The following ATP6V0A4 variants were observed in gnomAD, a reference collection of about 807,000 sequenced individuals.
The protein encoded by ATP6V0A4 is V-type proton ATPase 116 kDa subunit a 4.
Under a neutral mutation model 107.3 loss-of-function variants are expected in ATP6V0A4, and 86 were observed. The ratio of observed to expected loss-of-function variants is 0.80; its 90% confidence interval spans 0.67 to 0.96. The LOEUF (loss-of-function observed/expected upper bound fraction) is 0.96, where lower values mean the gene tolerates loss of function less well. Ranked by LOEUF, ATP6V0A4 falls within the 40% of genes least tolerant of loss-of-function variation. The probability of loss-of-function intolerance (pLI) is 0.00; values close to 1 mark genes in which losing one functional copy is unlikely to be tolerated. For synonymous variants in ATP6V0A4, 353 were observed against 381.4 expected (o/e 0.93, Z 0.87); for missense variants, 908 against 1,045.6 (o/e 0.87, Z 1.81).
intron 2 of ATP6V0A4, among the ~76,000 whole-genome samples, chr7:138,777,097 C>T (rs565686039): frequency 1.3e-5 from 2 of 150,842 alleles, no homozygotes; most frequent in African/African-American, 2.4e-5. Context: ...TGCAGTGAGC[C>T]GAGATCGCAC....
intron 18 of ATP6V0A4, among the ~76,000 whole-genome samples, chr7:138,723,977 C>T (rs541588839): frequency 6.7e-6 from 1 of 150,126 alleles, no homozygotes; most frequent in African/African-American, 2.5e-5. Flanking sequence ...CATGTTTGAG[C>T]CTAGGAGTTC....
chr7:138,707,243 A>C (rs1319854088), intron 21 of ATP6V0A4, among the ~76,000 whole-genome samples: 1 of 89,536 alleles, frequency 1.1e-5, no homozygotes, highest in Non-Finnish European at 2.0e-5. Flanking sequence ...AATATATATT[A>C]TATTATATAG....
intron 19 of ATP6V0A4, among the ~76,000 whole-genome samples, chr7:138,721,287 C>T (rs540111699): frequency 3.6e-4 from 55 of 152,136 alleles, no homozygotes; most frequent in Admixed American, 1.0e-3. Flanking sequence ...GCCTGTAATC[C>T]CAGCACTTTG....
intron 11 of ATP6V0A4, among the ~76,000 whole-genome samples, chr7:138,750,188 C>T (rs776892572): frequency 4.6e-5 from 7 of 152,164 alleles, no homozygotes; most frequent in Non-Finnish European, 8.8e-5. Flanking sequence ...CCCTTCCCCA[C>T]GCTTCCCCAT....
intron 19 of ATP6V0A4, among the ~76,000 whole-genome samples, chr7:138,717,470 G>A (rs1016329243): frequency 5.3e-5 from 8 of 152,150 alleles, no homozygotes; most frequent in East Asian, 3.9e-4. Context: ...GCTTGAACCT[G>A]TGAGGTGGAG....
chr7:138,745,225 G>A lies in ATP6V0A4; in HGVS notation c.1376C>T (p.Ser459Phe). The A allele has an allele frequency of 6.2e-7, 1 of 1,606,688 alleles. No homozygotes were observed. The highest frequency in any genetic ancestry group is 8.5e-7 in the Non-Finnish European group (1 of 1,177,042). Residue 459 changes from serine to phenylalanine, a missense_variant, in exon 14 of 22, where the codon TCC becomes TTC. Coordinates refer to ENST00000310018, the MANE Select transcript of ATP6V0A4 (RefSeq NM_020632.3). ...ATTGTAGATCAAACCCGTGTAGATG[G>A]AGAAGATGCCCATAAGTAGGATCAG... is the stretch of plus-strand genomic sequence containing the variant. ...RYLILLMGIF[S>F]IYTGLIYNDC...
chr7:138,708,240 G>C (rs1192324296), intron 21 of ATP6V0A4, among the ~76,000 whole-genome samples: 1 of 151,872 alleles, frequency 6.6e-6, no homozygotes, highest in African/African-American at 2.4e-5. Context: ...AGTAGAGACG[G>C]GGTTTCTCCA....
chr7:138,734,120 G>A lies in ATP6V0A4; in HGVS notation c.1691+16C>T, dbSNP rs761550045. The A allele has an allele frequency of 5.6e-6, 9 of 1,599,270 alleles. No homozygotes were observed. The highest frequency in any genetic ancestry group is 6.9e-6 in the Non-Finnish European group (8 of 1,166,994). ...TGATCAGACAGAGCAGGCAGAGAGT[G>A]CATCAAGAAACTTACATGTGATTGA... On this transcript the variant is annotated intron_variant, in intron 16 of 21. Coordinates refer to ENST00000310018, the MANE Select transcript of ATP6V0A4 (RefSeq NM_020632.3).
At chr7:138,761,524 A>T (rs1243588367) in intron 7 of ATP6V0A4, among the ~76,000 whole-genome samples, 1 of 150,810 alleles carries the variant, frequency 6.6e-6, no homozygotes, top group Non-Finnish European at 1.5e-5. Flanking sequence ...AGTCCCAGCT[A>T]CTCGGCTGAG....
At chr7:138,742,107 G>A (rs1260674875) in intron 14 of ATP6V0A4, among the ~76,000 whole-genome samples, 1 of 152,122 alleles carries the variant, frequency 6.6e-6, no homozygotes, top group African/African-American at 2.4e-5. Flanking sequence ...GTAGGCTGGC[G>A]AAATTATGCA....
chr7:138,791,807 T>C (rs1490042594), intron 1 of ATP6V0A4, among the ~76,000 whole-genome samples: 2 of 152,160 alleles, frequency 1.3e-5, no homozygotes. Flanking sequence ...GAGGGAATAC[T>C]AAATGGTATT....
intron 5 of ATP6V0A4, among the ~76,000 whole-genome samples, chr7:138,763,607 G>A (rs950846488): frequency 5.9e-5 from 9 of 152,172 alleles, no homozygotes; most frequent in East Asian, 1.9e-4. Flanking sequence ...TAGCCTGGGC[G>A]ACAGAGCAAG....
chr7:138,719,016 C>T (rs575172619), intron 19 of ATP6V0A4, among the ~76,000 whole-genome samples: 1 of 152,142 alleles, frequency 6.6e-6, no homozygotes, highest in Non-Finnish European at 1.5e-5. Context: ...GAGACCCCAT[C>T]TTTACCAAAA....
intron 19 of ATP6V0A4, among the ~76,000 whole-genome samples, chr7:138,716,801 C>T (rs1171928334): frequency 6.6e-6 from 1 of 152,120 alleles, no homozygotes; most frequent in African/African-American, 2.4e-5. Context: ...TGGCCTTAAG[C>T]AATCTGCCTG....
rs58568563 is a variant in ATP6V0A4, at chr7:138,749,192, G to A, written c.1155C>T (p.Val385=). The A allele has an allele frequency of 0.012, 20,172 of 1,613,930 alleles. 1,325 individuals carry two copies. The African/African-American group carries it at 0.15, about 12-fold the overall frequency. ...GFQNIVDAYG[V]GSYREINPAP... Reference sequence around the variant, plus strand: ...CTGGGTTTATCTCCCGGTAGCTGCCGACACCATAGGCATCAACAATATTCT... The same window carrying A: ...CTGGGTTTATCTCCCGGTAGCTGCCAACACCATAGGCATCAACAATATTCT... Residue 385 remains valine, a synonymous_variant, in exon 12 of 22, where the codon GTC becomes GTT. Transcript: ENST00000310018.
intron 18 of ATP6V0A4, among the ~76,000 whole-genome samples, chr7:138,727,570 G>A (rs1247396055): frequency 1.3e-5 from 2 of 152,160 alleles, no homozygotes; most frequent in Non-Finnish European, 2.9e-5. Flanking sequence ...CAGAGAAACA[G>A]AGCGTCACAT....
chr7:138,739,505 C>T (rs769194984), intron 15 of ATP6V0A4, 35 bp downstream of exon 15: 3 of 1,611,316 alleles, frequency 1.9e-6, no homozygotes, highest in Non-Finnish European at 1.7e-6. Context: ...AGATAGTTCA[C>T]ATAAGAAATA....
At chr7:138,739,673 C>T in intron 14 of ATP6V0A4, 40 bp from the exon 15 acceptor site, 1 of 1,610,994 alleles carries the variant, frequency 6.2e-7, no homozygotes, top group East Asian at 2.2e-5. Context: ...CAATGATCAA[C>T]CGGGGCAGAA....
chr7:138,726,399 G>A (rs1020290853), intron 18 of ATP6V0A4, among the ~76,000 whole-genome samples: 3 of 152,212 alleles, frequency 2.0e-5, no homozygotes, highest in Admixed American at 6.5e-5. Flanking sequence ...AACGTGGGGG[G>A]CCTGGTGGCT....
Sources: allele counts gnomAD v4.1 joint callset (sites outside exome capture counted in the v4.1 genomes callset), GRCh38; gene constraint gnomAD v4.1.1; transcripts MANE v1.5; gene names NCBI Gene and HGNC (gene_info 2026-07-23, HGNC 2026-07-21).